The following FGGY variants were observed in gnomAD, a reference collection of about 807,000 sequenced individuals.
FGGY encodes FGGY carbohydrate kinase domain containing, also known as FGGY carbohydrate kinase domain-containing protein.
A neutral mutation model predicts 71.3 loss-of-function variants in FGGY; 72 were observed. That is an observed-to-expected ratio of 1.01 (90% CI 0.84 to 1.23). FGGY has a LOEUF of 1.23. Ranked by LOEUF, FGGY falls within the 50% of genes most tolerant of loss-of-function variation. The probability of loss-of-function intolerance (pLI) is 0.00; values close to 1 mark genes in which losing one functional copy is unlikely to be tolerated. For synonymous variants in FGGY, 251 were observed against 250.3 expected (o/e 1.00, Z -0.02); for missense variants, 668 against 682.3 (o/e 0.98, Z 0.23).
chr1:59,590,186 A>G (rs1461258583), intron 8 of FGGY, among the ~76,000 whole-genome samples: 3 of 152,242 alleles, frequency 2.0e-5, no homozygotes. Context: ...TAGAAAATCT[A>G]GAAGAAATGG....
chr1:59,747,459 G>A (rs1453209151), intron 14 of FGGY, among the ~76,000 whole-genome samples: 2 of 152,200 alleles, frequency 1.3e-5, no homozygotes, highest in African/African-American at 4.8e-5. Flanking sequence ...TATATTCTCT[G>A]TCGGAGTGTG....
chr1:59,610,451 TGCC>T (rs1174596922), intron 9 of FGGY, among the ~76,000 whole-genome samples: 1 of 152,260 alleles, frequency 6.6e-6, no homozygotes, highest in Non-Finnish European at 1.5e-5. Flanking sequence ...GGTGTATATG[TGCC>T]ACAATTTCTT....
intron 10 of FGGY, among the ~76,000 whole-genome samples, chr1:59,634,725 T>C (rs186366211): frequency 6.6e-6 from 1 of 152,322 alleles, no homozygotes; most frequent in Admixed American, 6.5e-5. Context: ...TTTCTTATGA[T>C]GGCAAAGAAG....
chr1:59,468,193 G>C (rs1321266037), intron 6 of FGGY, among the ~76,000 whole-genome samples: 1 of 152,088 alleles, frequency 6.6e-6, no homozygotes, highest in African/African-American at 2.4e-5. Context: ...ATAAGTCACC[G>C]CGCCCGACTG....
At chr1:59,748,343 T>C (rs961870770) in intron 14 of FGGY, among the ~76,000 whole-genome samples, 1 of 152,066 alleles carries the variant, frequency 6.6e-6, no homozygotes, top group East Asian at 1.9e-4. Flanking sequence ...TCATAGATGT[T>C]TAGGAGAGTG....
At chr1:59,577,913 C>G (rs922092127) in intron 8 of FGGY, among the ~76,000 whole-genome samples, 2 of 152,132 alleles carry the variant, frequency 1.3e-5, no homozygotes, top group Non-Finnish European at 2.9e-5. Flanking sequence ...TACACACTCT[C>G]TGTTTCAGCC....
chr1:59,579,560 A>G (rs781536798), intron 8 of FGGY, among the ~76,000 whole-genome samples: 17 of 152,132 alleles, frequency 1.1e-4, no homozygotes, highest in Non-Finnish European at 2.2e-4. Flanking sequence ...ACACTTGCCT[A>G]TGTCAAAACA....
chr1:59,512,283 G>A (rs772473025), intron 6 of FGGY, 28 bp from the exon 7 acceptor site: 4 of 1,575,698 alleles, frequency 2.5e-6, no homozygotes, highest in South Asian at 2.3e-5. Context: ...CAAACTGATG[G>A]TGTTTGTTTT....
At chr1:59,539,493 A>G (rs1405152132) in intron 7 of FGGY, among the ~76,000 whole-genome samples, 1 of 152,236 alleles carries the variant, frequency 6.6e-6, no homozygotes, top group Non-Finnish European at 1.5e-5. Flanking sequence ...TGCCGTTGCC[A>G]GAGCTGTAAG....
At chr1:59,690,097 G>C (rs2097577590) in intron 14 of FGGY, among the ~76,000 whole-genome samples, 1 of 152,168 alleles carries the variant, frequency 6.6e-6, no homozygotes, top group Non-Finnish European at 1.5e-5. Context: ...GGCTGGAGGA[G>C]AAATTTATAG....
chr1:59,333,598 G>A (rs2153181695), intron 2 of FGGY, among the ~76,000 whole-genome samples: 1 of 152,312 alleles, frequency 6.6e-6, no homozygotes, highest in South Asian at 2.1e-4. Context: ...ACTATCCAGT[G>A]ATTTCCAAGC....
rs151005250 is a variant in FGGY, at chr1:59,307,042, C to T, written c.-15+9892C>T. Among the ~76,000 whole-genome samples the T allele has an allele frequency of 5.5e-3, 837 of 152,170 alleles. 12 individuals carry two copies. Among genetic ancestry groups the T allele is most frequent in the African/African-American group, 0.018 (729 of 41,516 alleles). ...ATAAAATGAAGAATGAGGCCAAGCA[C>T]GGTGGCTCATGTCTGTAATCTCAGA... On this transcript the variant is annotated intron_variant, in intron 1 of 15. Transcript: ENST00000303721.
intron 1 of FGGY, among the ~76,000 whole-genome samples, chr1:59,304,263 A>T (rs1182968393): frequency 6.6e-6 from 1 of 152,044 alleles, no homozygotes; most frequent in Non-Finnish European, 1.5e-5. Context: ...TGTATAGTAT[A>T]AGGGTTCAAT....
intron 10 of FGGY, among the ~76,000 whole-genome samples, chr1:59,636,546 C>T (rs550185570): frequency 2.3e-4 from 35 of 152,198 alleles, no homozygotes; most frequent in African/African-American, 7.7e-4. Context: ...TGGCGTGAAC[C>T]CGGGAGGCGG....
intron 11 of FGGY, among the ~76,000 whole-genome samples, chr1:59,651,193 G>A (rs2097156072): frequency 6.6e-6 from 1 of 152,084 alleles, no homozygotes. Context: ...TTTTGGAATA[G>A]GTGTGGTGCG....
At chr1:59,450,578 AG>A (rs2072470402) in intron 5 of FGGY, among the ~76,000 whole-genome samples, 1 of 152,148 alleles carries the variant, frequency 6.6e-6, no homozygotes, top group South Asian at 2.1e-4. Flanking sequence ...ATTCCCCAGT[AG>A]TAATAATAAT....
intron 8 of FGGY, among the ~76,000 whole-genome samples, chr1:59,561,110 G>A (rs1006382124): frequency 6.6e-6 from 1 of 152,222 alleles, no homozygotes; most frequent in Non-Finnish European, 1.5e-5. Flanking sequence ...GCTGAGAAGA[G>A]TGGGCAAGTG....
intron 14 of FGGY, among the ~76,000 whole-genome samples, chr1:59,748,167 A>G (rs2101618586): frequency 6.6e-6 from 1 of 152,306 alleles, no homozygotes; most frequent in Admixed American, 6.5e-5. Context: ...GGGATACTTC[A>G]AAGAAAGGAA....
At chr1:59,739,209 A>C (rs887272438) in intron 14 of FGGY, among the ~76,000 whole-genome samples, 1 of 152,194 alleles carries the variant, frequency 6.6e-6, no homozygotes, top group African/African-American at 2.4e-5. Context: ...GAGTTTATAT[A>C]TTGGGGGTAG....
Sources: allele counts gnomAD v4.1 joint callset (sites outside exome capture counted in the v4.1 genomes callset), GRCh38; gene constraint gnomAD v4.1.1; transcripts MANE v1.5; gene names NCBI Gene and HGNC (gene_info 2026-07-23, HGNC 2026-07-21).